SPAG16: variants seen among roughly 807,000 people sequenced by gnomAD.
SPAG16 encodes the protein sperm-associated antigen 16 protein.
A neutral mutation model predicts 80.4 loss-of-function variants in SPAG16; 86 were observed. The observed-to-expected ratio is 1.07, with a 90% CI of 0.90 to 1.28. The LOEUF (loss-of-function observed/expected upper bound fraction) is 1.28, where lower values mean the gene tolerates loss of function less well. Among genes scored for constraint, SPAG16 ranks in the 50% most tolerant of loss-of-function variants. The pLI, the probability that SPAG16 is intolerant of heterozygous loss-of-function variation, is 0.00. For missense variants in SPAG16, 870 were observed against 765.3 expected (o/e 1.14, Z -1.61); for synonymous variants, 294 against 265.9 (o/e 1.11, Z -1.03).
At chr2:214,016,263 A>G (rs2047586842) in intron 13 of SPAG16, among the ~76,000 whole-genome samples, 1 of 152,156 alleles carries the variant, frequency 6.6e-6, no homozygotes, top group South Asian at 2.1e-4. Context: ...GCCTCACAGC[A>G]TGGTGAAAAG....
rs949806447 is a variant in SPAG16 at position 214,343,497 on chromosome 2, A to C, written c.1721-66643A>C. Reference sequence around the variant, plus strand: ...TTAAAATTGAAAGCCAAAGTATAAAATACATGGCAAAACACTTCAAATCCT... The same window carrying C: ...TTAAAATTGAAAGCCAAAGTATAAACTACATGGCAAAACACTTCAAATCCT... On this transcript the variant is annotated intron_variant, in intron 15 of 15. Transcript: ENST00000331683. 5.9e-5 allele frequency among the ~76,000 whole-genome samples: 9 copies of C among 152,156 alleles called. 1 individual carries two copies. The highest frequency in any genetic ancestry group is 2.2e-4 in the African/African-American group (9 of 41,450).
intron 15 of SPAG16, among the ~76,000 whole-genome samples, chr2:214,399,945 T>C (rs867270372): frequency 6.6e-6 from 1 of 152,166 alleles, no homozygotes; most frequent in South Asian, 2.1e-4. Flanking sequence ...ATCAGCTGCA[T>C]AGGTGAAGAC....
intron 12 of SPAG16, among the ~76,000 whole-genome samples, chr2:213,936,157 G>A (rs2078980708): frequency 6.6e-6 from 1 of 152,108 alleles, no homozygotes; most frequent in Non-Finnish European, 1.5e-5. Flanking sequence ...AATATTCCAA[G>A]CTCTTCTGAT....
intron 15 of SPAG16, among the ~76,000 whole-genome samples, chr2:214,176,132 A>G (rs1007431887): frequency 1.3e-5 from 2 of 151,512 alleles, no homozygotes; most frequent in African/African-American, 4.8e-5. Flanking sequence ...ATACAGGTTT[A>G]TTAAAGGCTT....
chr2:213,600,129 TTTAA>T (rs1483561455), intron 10 of SPAG16, among the ~76,000 whole-genome samples: 1 of 71,214 alleles, frequency 1.4e-5, no homozygotes, highest in Non-Finnish European at 3.7e-5. Flanking sequence ...CTTTATATTT[TTTAA>T]TTTAATTTGG....
At position 213,896,593 on chromosome 2, in the gene SPAG16, C is replaced by CTATATATATATATATAT. The variant is rs1553657365; in HGVS notation, c.1215-33367_1215-33366insTATATATATATATATAT. ...AATGTGATATATACACACACACACGCACACACACACACACACACACACATA... is the reference window on the plus strand; with the variant it reads ...AATGTGATATATACACACACACACGCTATATATATATATATATACACACACACACACACACACACATA... On this transcript the variant is annotated intron_variant, in intron 11 of 15. Coordinates refer to ENST00000331683, the MANE Select transcript of SPAG16 (RefSeq NM_024532.5). Among the ~76,000 whole-genome samples the CTATATATATATATATAT allele has an allele frequency of 9.1e-4, 109 of 119,710 alleles. 2 individuals are homozygous for CTATATATATATATATAT. Among genetic ancestry groups the CTATATATATATATATAT allele is most frequent in the African/African-American group, 2.8e-3 (74 of 26,614 alleles). The allele number at this position is 119,710 out of a possible 152,430, so 78.5% of individuals were successfully genotyped here.
intron 15 of SPAG16, among the ~76,000 whole-genome samples, chr2:214,228,482 G>C (rs1182404624): frequency 6.6e-6 from 1 of 151,882 alleles, no homozygotes; most frequent in Non-Finnish European, 1.5e-5. Context: ...AGAGGGAATA[G>C]CCAAATTATT....
chr2:213,673,018 C>A (rs1394532919), intron 10 of SPAG16, among the ~76,000 whole-genome samples: 1 of 152,036 alleles, frequency 6.6e-6, no homozygotes, highest in East Asian at 1.9e-4. Flanking sequence ...TCTTCTCTTT[C>A]TTGAATTTCA....
intron 15 of SPAG16, among the ~76,000 whole-genome samples, chr2:214,299,793 T>A (rs1358541867): frequency 2.0e-5 from 3 of 152,180 alleles, no homozygotes; most frequent in Admixed American, 6.6e-5. Flanking sequence ...GTCAATGATT[T>A]ATCTATGCCT....
intron 10 of SPAG16, among the ~76,000 whole-genome samples, chr2:213,742,564 T>TC: frequency 6.6e-6 from 1 of 151,034 alleles, no homozygotes; most frequent in Non-Finnish European, 1.5e-5. Flanking sequence ...TTTTTTTTTT[T>TC]TTTTTGAGAC....
At chr2:213,555,631 C>T (rs1298354185) in intron 10 of SPAG16, among the ~76,000 whole-genome samples, 1 of 152,164 alleles carries the variant, frequency 6.6e-6, no homozygotes, top group East Asian at 1.9e-4. Context: ...CTGTCTTTTA[C>T]ATATGAGACA....
chr2:213,606,918 A>G (rs927408057), intron 10 of SPAG16, among the ~76,000 whole-genome samples: 2 of 152,226 alleles, frequency 1.3e-5, no homozygotes, highest in African/African-American at 2.4e-5. Flanking sequence ...TCATTGGGTA[A>G]AAATAAAAGG....
At chr2:213,803,302 C>G (rs904344002) in intron 10 of SPAG16, among the ~76,000 whole-genome samples, 8 of 152,162 alleles carry the variant, frequency 5.3e-5, no homozygotes, top group African/African-American at 1.9e-4. Context: ...CAAGATTACC[C>G]TACTAAAATG....
At chr2:213,470,116 G>A (rs2072997650) in intron 9 of SPAG16, among the ~76,000 whole-genome samples, 1 of 152,156 alleles carries the variant, frequency 6.6e-6, no homozygotes, top group Non-Finnish European at 1.5e-5. Context: ...TATATTGGAT[G>A]CTGATTCAGA....
intron 6 of SPAG16, among the ~76,000 whole-genome samples, chr2:213,343,599 T>C (rs1020721749): frequency 1.3e-5 from 2 of 152,010 alleles, no homozygotes; most frequent in Non-Finnish European, 2.9e-5. Context: ...ACAACAGTTA[T>C]TATGAAATGC....
intron 15 of SPAG16, among the ~76,000 whole-genome samples, chr2:214,207,949 T>C (rs1576496909): frequency 1.3e-5 from 2 of 152,242 alleles, no homozygotes; most frequent in East Asian, 3.9e-4. Flanking sequence ...CTCTCAGGCC[T>C]TCGGCCACAC....
At chr2:213,611,979 A>T (rs1021347940) in intron 10 of SPAG16, among the ~76,000 whole-genome samples, 6 of 152,198 alleles carry the variant, frequency 3.9e-5, no homozygotes, top group African/African-American at 1.4e-4. Flanking sequence ...AAGAATCAAT[A>T]GTTGATTATA....
chr2:213,785,397 A>G (rs2070274152), intron 10 of SPAG16, among the ~76,000 whole-genome samples: 1 of 152,220 alleles, frequency 6.6e-6, no homozygotes, highest in African/African-American at 2.4e-5. Context: ...TAGATTATCA[A>G]TAGTATTTTA....
At chr2:213,443,382 A>G (rs978659367) in intron 9 of SPAG16, among the ~76,000 whole-genome samples, 9 of 152,162 alleles carry the variant, frequency 5.9e-5, no homozygotes, top group African/African-American at 1.2e-4. Context: ...GATTCTACAT[A>G]TAAGTGATAT....
Sources: gnomAD v4.1 joint callset for allele counts (sites outside exome capture counted in the v4.1 genomes callset) on GRCh38, gnomAD v4.1.1 for gene constraint, MANE v1.5 for transcripts, NCBI Gene and HGNC (gene_info 2026-07-23, HGNC 2026-07-21) for gene names.